The following ZNF385D variants were observed in gnomAD, a reference collection of about 807,000 sequenced individuals.
The protein encoded by ZNF385D is zinc finger protein 659.
A neutral mutation model predicts 35.8 loss-of-function variants in ZNF385D; 15 were observed. The ratio of observed to expected loss-of-function variants is 0.42; its 90% CI spans 0.28 to 0.64. The LOEUF (loss-of-function observed/expected upper bound fraction) is 0.64. Among genes scored for constraint, ZNF385D ranks in the 30% least tolerant of loss-of-function variants. The pLI, the probability that ZNF385D is intolerant of heterozygous loss-of-function variation, is 0.23. For missense variants in ZNF385D, 474 were observed against 494.6 expected (o/e 0.96, Z 0.39); for synonymous variants, 212 against 186.8 (o/e 1.13, Z -1.10).
chr3:21,825,658 A>G (rs1694558680), intron 3 of ZNF385D, among the ~76,000 whole-genome samples: 1 of 152,192 alleles, frequency 6.6e-6, no homozygotes, highest in South Asian at 2.1e-4. Flanking sequence ...GTTTAAAAGC[A>G]AGACAGAAGA....
chr3:21,549,798 C>G (rs2062504815), intron 3 of ZNF385D, among the ~76,000 whole-genome samples: 2 of 152,304 alleles, frequency 1.3e-5, no homozygotes, highest in African/African-American at 2.4e-5. Context: ...ACAGGACACT[C>G]TCTTATGAAA....
chr3:22,311,149 AG>A (rs577375411), intron 2 of ZNF385D, among the ~76,000 whole-genome samples: 1 of 152,140 alleles, frequency 6.6e-6, no homozygotes, highest in East Asian at 1.9e-4. Context: ...AAAAGGAAGC[AG>A]AATTTCTGCA....
chr3:21,645,548 G>A (rs1160689506), intron 2 of ZNF385D, among the ~76,000 whole-genome samples: 3 of 152,184 alleles, frequency 2.0e-5, no homozygotes, highest in Non-Finnish European at 4.4e-5. Flanking sequence ...TTAAAGCTGG[G>A]CTGGGAATTT....
intron 3 of ZNF385D, among the ~76,000 whole-genome samples, chr3:22,104,553 G>A (rs1020503330): frequency 1.3e-5 from 2 of 151,436 alleles, no homozygotes; most frequent in Admixed American, 6.6e-5. Context: ...TTTTTGCCGC[G>A]TTGTGTACTT....
intron 2 of ZNF385D, among the ~76,000 whole-genome samples, chr3:22,330,101 T>G (rs1694868050): frequency 6.6e-6 from 1 of 152,216 alleles, no homozygotes; most frequent in African/African-American, 2.4e-5. Context: ...CTCTAGTATT[T>G]ATTTCATCTA....
intron 2 of ZNF385D, among the ~76,000 whole-genome samples, chr3:22,186,519 G>C (rs34608507): frequency 0.34 from 51,386 of 152,008 alleles, 9,062 homozygotes; most frequent in Middle Eastern, 0.39. Context: ...ATGTCCTGAA[G>C]TTATAAAATT....
intron 3 of ZNF385D, among the ~76,000 whole-genome samples, chr3:21,940,681 T>A (rs961005394): frequency 6.6e-6 from 1 of 152,176 alleles, no homozygotes; most frequent in African/African-American, 2.4e-5. Context: ...ATTTCAATGC[T>A]GTGAAAAAAT....
chr3:22,215,801 T>G (rs1275054167), intron 2 of ZNF385D, among the ~76,000 whole-genome samples: 2 of 151,984 alleles, frequency 1.3e-5, no homozygotes, highest in Non-Finnish European at 2.9e-5. Flanking sequence ...CTTGCTGGTT[T>G]TACGGCTCAA....
intron 3 of ZNF385D, among the ~76,000 whole-genome samples, chr3:21,995,541 G>C (rs1497929): frequency 0.65 from 99,378 of 151,836 alleles, 33,817 homozygotes; most frequent in African/African-American, 0.82. Context: ...TCCCCAGGTC[G>C]CTGGATGATG....
chr3:22,056,274 TAAAAAAAAAAAAAAAAAAA>T lies in ZNF385D; in HGVS notation c.325+112524_325+112542del, dbSNP rs1180609438. Among the ~76,000 whole-genome samples the T allele has an allele frequency of 7.7e-5, 5 of 64,800 alleles. 1 individual carries two copies. Among genetic ancestry groups the T allele is most frequent in the Admixed American group, 6.2e-4 (4 of 6,446 alleles). The allele number at this position is 64,800 out of a possible 152,430, so 42.5% of individuals were successfully genotyped here. ...ATGTACCCTAAAACTTAGAGTATAA[TAAAAAAAAAAAAAAAAAAA>T]AAAAAAAAAAAAAAATTCAATGTGA... On this transcript the variant is annotated intron_variant, in intron 3 of 5. Coordinates refer to the ZNF385D transcript ENST00000494108.
chr3:22,247,803 C>G (rs1207188236), intron 2 of ZNF385D, among the ~76,000 whole-genome samples: 1 of 151,930 alleles, frequency 6.6e-6, no homozygotes, highest in Non-Finnish European at 1.5e-5. Flanking sequence ...CGGGGTTTCA[C>G]CATGTTGGCC....
intron 3 of ZNF385D, among the ~76,000 whole-genome samples, chr3:22,024,510 T>C (rs992743740): frequency 2.0e-5 from 3 of 152,048 alleles, no homozygotes; most frequent in African/African-American, 2.4e-5. Context: ...CTACTTCTAA[T>C]AGTATGGAGA....
intron 2 of ZNF385D, chr3:21,579,465 C>CT (rs1264795048): frequency 6.6e-6 from 1 of 151,896 alleles, no homozygotes; most frequent in East Asian, 1.9e-4. Flanking sequence ...GTTCTTCTGA[C>CT]TTTACTGTTA....
chr3:21,782,647 G>T (rs559332573), intron 3 of ZNF385D, among the ~76,000 whole-genome samples: 3 of 151,944 alleles, frequency 2.0e-5, no homozygotes, highest in Non-Finnish European at 2.9e-5. Context: ...TAAAAAACAC[G>T]CCTAATATAC....
chr3:22,336,984 C>A (rs1695200076), intron 2 of ZNF385D, among the ~76,000 whole-genome samples: 1 of 131,240 alleles, frequency 7.6e-6, no homozygotes. Context: ...CCTTAGTGAA[C>A]ACCTCTACTA....
chr3:22,348,088 C>T (rs1559533943), intron 2 of ZNF385D, among the ~76,000 whole-genome samples: 1 of 152,156 alleles, frequency 6.6e-6, no homozygotes, highest in Middle Eastern at 3.4e-3. Flanking sequence ...CATTTTTTAA[C>T]TGGTACCTGT....
At chr3:21,968,404 A>G (rs970682912) in intron 3 of ZNF385D, among the ~76,000 whole-genome samples, 1 of 152,056 alleles carries the variant, frequency 6.6e-6, no homozygotes, top group African/African-American at 2.4e-5. Context: ...GACTTGAGGT[A>G]CACATGACCT....
At chr3:21,512,740 A>C (rs1355478672) in intron 3 of ZNF385D, among the ~76,000 whole-genome samples, 2 of 152,216 alleles carry the variant, frequency 1.3e-5, no homozygotes, top group Admixed American at 1.3e-4. Flanking sequence ...GATTAAGTTG[A>C]TTCTACATGG....
At chr3:21,946,377 T>C (rs641910) in intron 3 of ZNF385D, among the ~76,000 whole-genome samples, 39,568 of 152,138 alleles carry the variant, frequency 0.26, 5,847 homozygotes, top group Admixed American at 0.41. Context: ...GCAGTCTACA[T>C]GGAGTCACCC....
Sources: gnomAD v4.1 joint callset for allele counts (sites outside exome capture counted in the v4.1 genomes callset) on GRCh38, gnomAD v4.1.1 for gene constraint, MANE v1.5 for transcripts, NCBI Gene and HGNC (gene_info 2026-07-23, HGNC 2026-07-21) for gene names.